Variants in UBE2E2 observed in about 807,000 individuals in gnomAD.
UBE2E2 encodes ubiquitin-conjugating enzyme E2 E2.
UBE2E2 carries 6 observed loss-of-function variants against 24.7 expected under a neutral mutation model. That is an observed-to-expected ratio of 0.24 (90% CI 0.13 to 0.48). The LOEUF is 0.48. UBE2E2 is among the 20% of genes least tolerant of loss of function. The pLI, the probability that UBE2E2 is intolerant of heterozygous loss-of-function variation, is 0.99. For missense variants in UBE2E2, 169 were observed against 245.0 expected, an observed-to-expected ratio of 0.69 and a Z score of 2.07; for synonymous variants, 104 against 83.6, an observed-to-expected ratio of 1.24 and a Z score of -1.33.
chr3:23,428,883 T>C (rs1175271314), intron 3 of UBE2E2, among the ~76,000 whole-genome samples: 2 of 128,210 alleles, frequency 1.6e-5, no homozygotes, highest in Non-Finnish European at 3.1e-5. Context: ...GCTGTCATCA[T>C]ACCATTGCAG....
chr3:23,502,306 A>G (rs774319024), intron 4 of UBE2E2, among the ~76,000 whole-genome samples: 6 of 151,548 alleles, frequency 4.0e-5, no homozygotes, highest in Non-Finnish European at 7.4e-5. Flanking sequence ...AGAATGAACC[A>G]GGGAAGCAGT....
In UBE2E2 at chr3:23,418,863, A is replaced by G. The variant is rs182340451; in HGVS notation, c.228-80745A>G. 7.0e-4 allele frequency among the ~76,000 whole-genome samples: 106 copies of G among 152,314 alleles called. No homozygotes were observed. The South Asian group carries it at 0.011, about 15-fold the overall frequency. ...TGCTGTTACTTTGCAAGTGATACTT[A>G]AATATGGTTAAAATACCCTTGGCAG... On this transcript the variant is annotated intron_variant, in intron 3 of 5. Transcript: ENST00000396703.
Position 23,474,342 on chromosome 3 carries a change from T to C in UBE2E2, c.228-25266T>C, listed in dbSNP as rs891243904. Among the ~76,000 whole-genome samples, 3 of 152,110 alleles carry C rather than the reference T, an allele frequency of 2.0e-5. No individual in the cohort carries two copies. The highest frequency in any genetic ancestry group is 2.9e-5 in the Non-Finnish European group (2 of 68,030). On this transcript the variant is annotated intron_variant, in intron 3 of 5. Coordinates refer to ENST00000396703, the MANE Select transcript of UBE2E2 (RefSeq NM_152653.4). The surrounding 1 kb of genome is among the most constrained non-coding windows in gnomAD (Gnocchi z 4.0). ...TTTTTCCCACTCTGTGGGTTATCTG[T>C]TTACTGACTGAAGTGAAGATTTATT... is the stretch of plus-strand genomic sequence containing the variant.
At chr3:23,310,562 A>G (rs1694348021) in intron 3 of UBE2E2, among the ~76,000 whole-genome samples, 1 of 152,162 alleles carries the variant, frequency 6.6e-6, no homozygotes, top group Non-Finnish European at 1.5e-5. Flanking sequence ...GACAAGGCAG[A>G]AGGAAGAAGT....
chr3:23,254,238 T>G (rs1575506743), intron 3 of UBE2E2, among the ~76,000 whole-genome samples: 1 of 152,248 alleles, frequency 6.6e-6, no homozygotes, highest in East Asian at 1.9e-4. Context: ...TTTTTGCATC[T>G]AATTAGACCC....
intron 3 of UBE2E2, among the ~76,000 whole-genome samples, chr3:23,368,638 A>G (rs1696321270): frequency 6.6e-6 from 1 of 152,174 alleles, no homozygotes. Context: ...CTGTATTATT[A>G]ATGCAGTGGG....
intron 3 of UBE2E2, among the ~76,000 whole-genome samples, chr3:23,495,269 A>T (rs987635672): frequency 6.6e-6 from 1 of 152,152 alleles, no homozygotes; most frequent in Non-Finnish European, 1.5e-5. Flanking sequence ...AGCCAAATAA[A>T]ACTTGGAATG....
In UBE2E2 at chr3:23,572,939, G is replaced by A. The variant is rs181367729; in HGVS notation, c.509-16795G>A. Among the ~76,000 whole-genome samples the A allele has an allele frequency of 3.9e-5, 6 of 152,202 alleles. No individual in the cohort carries two copies. In the East Asian group the frequency reaches 1.2e-3, roughly 29 times the overall value. On this transcript the variant is annotated intron_variant, in intron 5 of 5. Transcript: ENST00000396703. The stretch of plus-strand genomic sequence containing the variant: ...TTGTGTCAAATGGTAGTTTTGTTTT[G>A]ATGACATTATTTAGAGGGACATGAG...
At chr3:23,270,923 C>G (rs1255735265) in intron 3 of UBE2E2, 1 of 456,646 alleles carries the variant, frequency 2.2e-6, no homozygotes, top group Non-Finnish European at 4.4e-6. Context: ...CTGCTGACAA[C>G]TAAGTTTATA....
At chr3:23,481,202 G>A (rs1190623654) in intron 3 of UBE2E2, among the ~76,000 whole-genome samples, 1 of 152,166 alleles carries the variant, frequency 6.6e-6, no homozygotes, top group African/African-American at 2.4e-5. Context: ...AGGACTGTTG[G>A]TTGTCTATAA....
At chr3:23,430,303 C>CT (rs1415602882) in intron 3 of UBE2E2, among the ~76,000 whole-genome samples, 1 of 152,018 alleles carries the variant, frequency 6.6e-6, no homozygotes, top group African/African-American at 2.4e-5. Context: ...ATTAGTATAC[C>CT]TTATCTCCCA....
chr3:23,586,743 G>A (rs1272958440), intron 5 of UBE2E2, among the ~76,000 whole-genome samples: 1 of 152,140 alleles, frequency 6.6e-6, no homozygotes, highest in Non-Finnish European at 1.5e-5. Flanking sequence ...AACAAAAGTT[G>A]GAGAGTACCC....
In UBE2E2 at chr3:23,560,073, T is replaced by A. The variant is rs887997597; in HGVS notation, c.508+27372T>A. On this transcript the variant is annotated intron_variant, in intron 5 of 5. Transcript: ENST00000396703. The stretch of plus-strand genomic sequence containing the variant: ...TTATATATGTATATATGTATTTTTT[T>A]ATTTTATTTTAAGTTCTAGGGTACA... Among the ~76,000 whole-genome samples, 3 of 152,144 alleles carry A rather than the reference T, an allele frequency of 2.0e-5. No homozygotes were observed. The South Asian group carries it at 6.2e-4, about 32-fold the overall frequency.
intron 3 of UBE2E2, among the ~76,000 whole-genome samples, chr3:23,323,108 T>A (rs546013143): frequency 6.6e-6 from 1 of 152,196 alleles, no homozygotes; most frequent in East Asian, 1.9e-4. Flanking sequence ...AACAAATAAT[T>A]ATTTGCTTTG....
intron 3 of UBE2E2, among the ~76,000 whole-genome samples, chr3:23,457,913 G>A (rs902590381): frequency 6.7e-6 from 1 of 149,550 alleles, no homozygotes; most frequent in African/African-American, 2.4e-5. Flanking sequence ...GGAGTGATGT[G>A]GCTGGTTTGA....
At chr3:23,536,439 T>A (rs1055944682) in intron 5 of UBE2E2, among the ~76,000 whole-genome samples, 1 of 152,228 alleles carries the variant, frequency 6.6e-6, no homozygotes, top group Non-Finnish European at 1.5e-5. Context: ...CTCATTTCTA[T>A]TTGTCTGCTC....
At chr3:23,241,098 A>T (rs1315720172) in intron 3 of UBE2E2, among the ~76,000 whole-genome samples, 1 of 152,120 alleles carries the variant, frequency 6.6e-6, no homozygotes, top group African/African-American at 2.4e-5. Flanking sequence ...AATCTGCTTC[A>T]CCCAGTCTTT....
chr3:23,433,804 A>T (rs940150350), intron 3 of UBE2E2, among the ~76,000 whole-genome samples: 4 of 152,012 alleles, frequency 2.6e-5, no homozygotes, highest in Non-Finnish European at 5.9e-5. Context: ...ACTTCCAAGA[A>T]AAGCTAACTA....
In UBE2E2 at chr3:23,443,162, T is replaced by A. The variant is rs535992696; in HGVS notation, c.228-56446T>A. On this transcript the variant is annotated intron_variant, in intron 3 of 5. Transcript: ENST00000396703. ...TTTCTCTTCCTACTCTGTCTTTCCC[T>A]CTGAGTGATCTCATCTCTGCCTGTG... Among the ~76,000 whole-genome samples the A allele has an allele frequency of 7.2e-5, 11 of 152,272 alleles. No homozygotes were observed. In the South Asian group the frequency reaches 2.3e-3, roughly 32 times the overall value.
Sources: allele counts gnomAD v4.1 joint callset (sites outside exome capture counted in the v4.1 genomes callset), GRCh38; gene constraint gnomAD v4.1.1; non-coding constraint Gnocchi (gnomAD v3.1); transcripts MANE v1.5; gene names NCBI Gene and HGNC (gene_info 2026-07-23, HGNC 2026-07-21).